Variants in CMSS1 observed in about 807,000 individuals in gnomAD.
The protein encoded by CMSS1 is cms1 ribosomal small subunit homolog.
A neutral mutation model predicts 43.5 loss-of-function variants in CMSS1; 33 were observed. The observed-to-expected ratio is 0.76, with a 90% confidence interval of 0.57 to 1.01. The LOEUF (loss-of-function observed/expected upper bound fraction) is 1.01. CMSS1 is among the 50% of genes least tolerant of loss of function. The probability of loss-of-function intolerance (pLI) is 0.00; values close to 1 mark genes in which losing one functional copy is unlikely to be tolerated. For synonymous variants in CMSS1, 115 were observed against 117.2 expected, an observed-to-expected ratio of 0.98 and a Z score of 0.12; for missense variants, 313 against 326.4, an observed-to-expected ratio of 0.96 and a Z score of 0.32.
chr3:99,965,793 G>A (rs749782333), intron 1 of CMSS1, among the ~76,000 whole-genome samples: 1 of 152,176 alleles, frequency 6.6e-6, no homozygotes, highest in African/African-American at 2.4e-5. Flanking sequence ...GGTGTTAAAT[G>A]AAAATGCTTT....
chr3:99,822,994 T>C (rs1439083634), intron 1 of CMSS1, among the ~76,000 whole-genome samples: 1 of 152,224 alleles, frequency 6.6e-6, no homozygotes, highest in Non-Finnish European at 1.5e-5. Flanking sequence ...AGGGGAGCTG[T>C]GATTCATATG....
At chr3:99,954,878 TA>T (rs1249859139) in intron 1 of CMSS1, among the ~76,000 whole-genome samples, 1 of 151,118 alleles carries the variant, frequency 6.6e-6, no homozygotes, top group East Asian at 1.9e-4. Context: ...ATTGTTAGGG[TA>T]AAATGAAATA....
At chr3:100,115,578 T>C (rs2066555780) in intron 1 of CMSS1, among the ~76,000 whole-genome samples, 1 of 12,106 alleles carries the variant, frequency 8.3e-5, no homozygotes, top group Non-Finnish European at 1.6e-4. Flanking sequence ...TCTCTCTGTC[T>C]CTCTCTCTCT....
chr3:100,004,173 T>G (rs548110461), intron 1 of CMSS1, among the ~76,000 whole-genome samples: 1 of 152,092 alleles, frequency 6.6e-6, no homozygotes, highest in Non-Finnish European at 1.5e-5. Context: ...AAATTGAGGG[T>G]TTTTTCCCCC....
At chr3:100,127,358 T>C (rs1375765500) in intron 1 of CMSS1, among the ~76,000 whole-genome samples, 1 of 152,134 alleles carries the variant, frequency 6.6e-6, no homozygotes, top group African/African-American at 2.4e-5. Context: ...TTTCCATGGG[T>C]CCAGCCAAGA....
intron 1 of CMSS1, among the ~76,000 whole-genome samples, chr3:100,117,878 T>TATATACACATATATATATATATATAC (rs1357671856): frequency 2.0e-4 from 26 of 129,082 alleles, no homozygotes; most frequent in Admixed American, 5.4e-4. Context: ...TATATATATA[T>TATATACACATATATATATATATATAC]ACACATACAA....
At chr3:99,931,037 G>A in intron 1 of CMSS1, 1 of 1,607,770 alleles carries the variant, frequency 6.2e-7, no homozygotes, top group Non-Finnish European at 8.5e-7. Context: ...AAGCCTGGAA[G>A]GAGGGAAGAA....
chr3:99,993,702 A>G (rs751227118), intron 1 of CMSS1, among the ~76,000 whole-genome samples: 2 of 152,178 alleles, frequency 1.3e-5, no homozygotes, highest in African/African-American at 2.4e-5. Flanking sequence ...GCTGAATTTT[A>G]TCAAATGCTT....
chr3:99,939,882 C>CT (rs1353712964), intron 1 of CMSS1, among the ~76,000 whole-genome samples: 3 of 152,192 alleles, frequency 2.0e-5, no homozygotes, highest in East Asian at 1.9e-4. Context: ...GGTATTCTGA[C>CT]TTTTTTTTCT....
chr3:100,003,203 G>A (rs946807437), intron 1 of CMSS1, among the ~76,000 whole-genome samples: 6 of 152,092 alleles, frequency 3.9e-5, no homozygotes, highest in African/African-American at 1.2e-4. Context: ...TGTTTATGAA[G>A]CCATAAGTGG....
At chr3:100,167,444 A>G (rs73859931) in intron 5 of CMSS1, among the ~76,000 whole-genome samples, 2,239 of 152,362 alleles carry the variant, frequency 0.015, 55 homozygotes, top group African/African-American at 0.052. Flanking sequence ...GTCTTCAAGT[A>G]TCAAACCTAA....
chr3:100,126,232 T>G (rs1319572207), intron 1 of CMSS1, among the ~76,000 whole-genome samples: 1 of 152,216 alleles, frequency 6.6e-6, no homozygotes, highest in Non-Finnish European at 1.5e-5. Context: ...GCTTTTCATG[T>G]TTTTTTAAAA....
chr3:99,974,270 A>G (rs1464588279), intron 1 of CMSS1, among the ~76,000 whole-genome samples: 1 of 152,220 alleles, frequency 6.6e-6, no homozygotes, highest in Non-Finnish European at 1.5e-5. Flanking sequence ...TCGTGCTTTC[A>G]AGCACGGGTT....
chr3:99,819,245 C>T (rs1942383669), intron 1 of CMSS1, among the ~76,000 whole-genome samples: 1 of 152,178 alleles, frequency 6.6e-6, no homozygotes, highest in Non-Finnish European at 1.5e-5. Flanking sequence ...CTGTGGTGTT[C>T]CACATTTACT....
chr3:99,960,643 C>T lies in CMSS1; in HGVS notation c.64+142600C>T, dbSNP rs76204790. ...CTTCCTAATCATTAGATTGACATCT[C>T]AAGGTAGGGGAGAAGTAGGGGAGTC... On this transcript the variant is annotated intron_variant, in intron 1 of 9. Coordinates refer to ENST00000421999, the MANE Select transcript of CMSS1 (RefSeq NM_032359.4). Among the ~76,000 whole-genome samples, 82 of 152,288 alleles carry T rather than the reference C, an allele frequency of 5.4e-4. 1 individual carries two copies. In the East Asian group the frequency reaches 0.014, roughly 25 times the overall value.
intron 1 of CMSS1, among the ~76,000 whole-genome samples, chr3:100,020,252 T>A (rs2064783477): frequency 6.6e-6 from 1 of 152,244 alleles, no homozygotes; most frequent in African/African-American, 2.4e-5. Context: ...TTTACTTCAC[T>A]ATTCTGCAAA....
chr3:100,162,665 A>C (rs558382934), intron 4 of CMSS1, among the ~76,000 whole-genome samples: 1 of 152,042 alleles, frequency 6.6e-6, no homozygotes, highest in African/African-American at 2.4e-5. Flanking sequence ...AATAATAATA[A>C]TAATTGTTTA....
intron 1 of CMSS1, among the ~76,000 whole-genome samples, chr3:100,111,470 G>C (rs1294004838): frequency 6.6e-6 from 1 of 152,032 alleles, no homozygotes; most frequent in Non-Finnish European, 1.5e-5. Context: ...TACTACATAG[G>C]GTCAAGTGCG....
intron 1 of CMSS1, among the ~76,000 whole-genome samples, chr3:99,980,990 G>A (rs1000939781): frequency 2.0e-5 from 3 of 152,154 alleles, no homozygotes; most frequent in Non-Finnish European, 1.5e-5. Context: ...ATGAAGATGT[G>A]AGCTTTGGTA....
Sources: allele counts gnomAD v4.1 joint callset (sites outside exome capture counted in the v4.1 genomes callset), GRCh38; gene constraint gnomAD v4.1.1; transcripts MANE v1.5; gene names NCBI Gene and HGNC (gene_info 2026-07-23, HGNC 2026-07-21).